LACTBL1: variants seen among roughly 807,000 people sequenced by gnomAD.
LACTBL1 encodes the protein beta-lactamase-like protein 1.
A neutral mutation model predicts 39.6 loss-of-function variants in LACTBL1; 29 were observed. That is an observed-to-expected ratio of 0.73 (90% CI 0.55 to 1.00). The LOEUF (loss-of-function observed/expected upper bound fraction) is 1.00, where lower values mean the gene tolerates loss of function less well. Among genes scored for constraint, LACTBL1 ranks in the 50% least tolerant of loss-of-function variants. The pLI, the probability that LACTBL1 is intolerant of heterozygous loss-of-function variation, is 0.00. For missense variants in LACTBL1, 711 were observed against 748.5 expected (o/e 0.95, Z 0.59); for synonymous variants, 361 against 360.7 (o/e 1.00, Z -0.01).
the LACTBL1 span, among the ~76,000 whole-genome samples, chr1:22,970,996 T>C: frequency 1.3e-5 from 2 of 152,154 alleles, no homozygotes; most frequent in Non-Finnish European, 2.9e-5. Context: ...CTGGATCATA[T>C]GGAAGATACT....
At chr1:22,967,294 G>C (rs1343856667), upstream of LACTBL1, among the ~76,000 whole-genome samples, 1 of 152,124 alleles carries the variant, frequency 6.6e-6, no homozygotes, top group Non-Finnish European at 1.5e-5. Context: ...ACTTGAGCCT[G>C]GGAGGTGGAG....
chr1:22,960,969 G>A (rs755380167), intron 2 of LACTBL1, among the ~76,000 whole-genome samples: 7 of 151,860 alleles, frequency 4.6e-5, no homozygotes, highest in Non-Finnish European at 7.4e-5. Flanking sequence ...TTGTAGAGAC[G>A]GCGTCTCACC....
chr1:22,962,624 A>T (rs1455027306), intron 2 of LACTBL1, among the ~76,000 whole-genome samples: 4 of 151,872 alleles, frequency 2.6e-5, no homozygotes, highest in African/African-American at 9.7e-5. Flanking sequence ...ATGGCCTCTC[A>T]GTTCTCTGTA....
intron 4 of LACTBL1, among the ~76,000 whole-genome samples, chr1:22,956,021 AC>A (rs968772904): frequency 1.3e-4 from 19 of 143,318 alleles, no homozygotes; most frequent in African/African-American, 5.0e-4. Flanking sequence ...CTGAGATCGC[AC>A]CACTGCACTC....
intron 1 of LACTBL1, among the ~76,000 whole-genome samples, chr1:22,964,833 G>A (rs1640861158): frequency 6.6e-6 from 1 of 152,178 alleles, no homozygotes; most frequent in Non-Finnish European, 1.5e-5. Context: ...ATTGGGCCTT[G>A]ACCCGTTCAG....
chr1:22,967,970 A>G (rs1230718514), upstream of LACTBL1, among the ~76,000 whole-genome samples: 3 of 152,164 alleles, frequency 2.0e-5, no homozygotes, highest in African/African-American at 7.2e-5. Flanking sequence ...TGTACCTTTC[A>G]TGGATCTCAG....
At chr1:22,958,739 G>A (rs1288676861) in exon 4 of LACTBL1, 68 of 1,550,466 alleles carry the variant, frequency 4.4e-5, no homozygotes, top group Non-Finnish European at 5.9e-5. Flanking sequence ...CTTGGGGCGG[G>A]GCCCACCTGC....
chr1:22,959,049 C>A, intron 3 of LACTBL1, 129 bp from the exon 6 acceptor site: 1 of 632,296 alleles, frequency 1.6e-6, no homozygotes, highest in Non-Finnish European at 2.7e-6. Context: ...TCAACATCTC[C>A]AACAGAAATT....
upstream of LACTBL1, among the ~76,000 whole-genome samples, chr1:22,968,207 G>A (rs900489266): frequency 8.5e-5 from 13 of 152,138 alleles, no homozygotes; most frequent in African/African-American, 2.9e-4. Context: ...GACTTCTGTG[G>A]AGTGTGTTGT....
upstream of LACTBL1, among the ~76,000 whole-genome samples, chr1:22,968,825 G>A (rs1024608687): frequency 1.2e-4 from 19 of 152,228 alleles, no homozygotes; most frequent in Non-Finnish European, 2.9e-5. Flanking sequence ...TAGATGAGTT[G>A]ATGTATAAAA....
intron 4 of LACTBL1, among the ~76,000 whole-genome samples, chr1:22,956,690 C>T (rs4654829): frequency 0.023 from 3,514 of 152,180 alleles, 61 homozygotes; most frequent in Middle Eastern, 0.034. Flanking sequence ...GCAATCCCTC[C>T]GCACCTGCCT....
At chr1:22,971,507 C>T in the LACTBL1 span, among the ~76,000 whole-genome samples, 11 of 136,474 alleles carry the variant, frequency 8.1e-5, no homozygotes, top group African/African-American at 3.1e-4. Context: ...GGCTCCACCA[C>T]CCCCCAACCC....
chr1:22,963,142 G>A, exon 2 of LACTBL1: 1 of 1,290,662 alleles, frequency 7.7e-7, no homozygotes, highest in Non-Finnish European at 9.9e-7. Flanking sequence ...GGGAGTGGGT[G>A]AGCCAGGGGC....
chr1:22,963,164 G>A (rs1570501905), exon 2 of LACTBL1: 6 of 1,320,462 alleles, frequency 4.5e-6, no homozygotes, highest in Non-Finnish European at 5.8e-6. Flanking sequence ...CGGGCTCAGG[G>A]TGCCGGGGAC....
intron 1 of LACTBL1, among the ~76,000 whole-genome samples, chr1:22,963,646 G>C (rs535141208): frequency 6.6e-6 from 1 of 152,322 alleles, no homozygotes; most frequent in Admixed American, 6.5e-5. Flanking sequence ...TCTCTCACCA[G>C]AGCTGAGCAT....
At chr1:22,960,633 A>G (rs969890111) in intron 2 of LACTBL1, among the ~76,000 whole-genome samples, 1 of 151,128 alleles carries the variant, frequency 6.6e-6, no homozygotes, top group Non-Finnish European at 1.5e-5. Flanking sequence ...AAAAAAAAAA[A>G]AAAAAAAAAC....
At chr1:22,961,165 A>T (rs1640818886) in intron 2 of LACTBL1, among the ~76,000 whole-genome samples, 1 of 152,208 alleles carries the variant, frequency 6.6e-6, no homozygotes, top group Admixed American at 6.5e-5. Context: ...GACATTTAGA[A>T]TGTGCCAGGC....
chr1:22,964,447 C>G (rs183447275), intron 1 of LACTBL1, among the ~76,000 whole-genome samples: 1 of 152,200 alleles, frequency 6.6e-6, no homozygotes, highest in Non-Finnish European at 1.5e-5. Context: ...CACCGCCCCC[C>G]TCAACCCGAC....
At chr1:22,971,666 C>A in the LACTBL1 span, among the ~76,000 whole-genome samples, 3 of 152,220 alleles carry the variant, frequency 2.0e-5, no homozygotes, top group Non-Finnish European at 1.5e-5. Flanking sequence ...CATCTGCCCC[C>A]AAGGAGCCAG....
Sources: gnomAD v4.1 joint callset for allele counts (sites outside exome capture counted in the v4.1 genomes callset) on GRCh38, gnomAD v4.1.1 for gene constraint, MANE v1.5 for transcripts, NCBI Gene and HGNC (gene_info 2026-07-23, HGNC 2026-07-21) for gene names.